The following PCDHGB4 variants were observed in gnomAD, a reference collection of about 807,000 sequenced individuals.
PCDHGB4 encodes the protein protocadherin gamma-B4.
Under a neutral mutation model 60.5 loss-of-function variants are expected in PCDHGB4, and 38 were observed. That is an observed-to-expected ratio of 0.63 (90% CI 0.48 to 0.82). PCDHGB4 has a LOEUF of 0.82. Among genes scored for constraint, PCDHGB4 ranks in the 40% least tolerant of loss-of-function variants. PCDHGB4 has a pLI of 0.00. For missense variants in PCDHGB4, 1,109 were observed against 1,209.6 expected (o/e 0.92, Z 1.23); for synonymous variants, 456 against 509.7 (o/e 0.89, Z 1.42).
intron 1 of PCDHGB4, chr5:141,426,693 A>C (rs62378458): frequency 0.034 from 14,964 of 435,892 alleles, 320 homozygotes; most frequent in Middle Eastern, 0.11. Flanking sequence ...CCAAAATAGC[A>C]TTGTTTTACA....
chr5:141,433,164 A>G, intron 1 of PCDHGB4: 3 of 1,613,600 alleles, frequency 1.9e-6, no homozygotes, highest in Non-Finnish European at 2.5e-6. Context: ...TTTTCTAAAG[A>G]CAGTCATGGG....
intron 1 of PCDHGB4, chr5:141,441,973 C>T (rs1457832429): frequency 6.7e-6 from 2 of 296,542 alleles, no homozygotes; most frequent in Admixed American, 4.4e-5. Context: ...GCTCTTCAGC[C>T]TGGAATGCGC....
chr5:141,432,079 G>A lies in PCDHGB4; in HGVS notation c.2397+41798G>A, dbSNP rs138510025. On this transcript the variant is annotated intron_variant, in intron 1 of 3. Transcript: ENST00000519479. The surrounding 1 kb of genome is among the most constrained non-coding windows in gnomAD (Gnocchi z 6.0). ...TATCCACGGAAACTCATATCTCGCT[G>A]AACGTGGCAGACACCAACGACAACC... 1.6e-4 allele frequency: 252 copies of A among 1,614,054 alleles called. No homozygotes were observed. The highest frequency in any genetic ancestry group is 8.1e-5 in the Non-Finnish European group (96 of 1,180,048).
intron 1 of PCDHGB4, chr5:141,418,042 G>A: frequency 6.2e-7 from 1 of 1,614,014 alleles, no homozygotes; most frequent in South Asian, 1.1e-5. Context: ...TCCTGGATGT[G>A]TCGGCTCGCG....
chr5:141,413,695 T>C lies in PCDHGB4; in HGVS notation c.2397+23414T>C, dbSNP rs573363878. The C allele has an allele frequency of 4.8e-5, 77 of 1,613,796 alleles. 1 individual carries two copies. The highest frequency in any genetic ancestry group is 3.0e-4 in the South Asian group (27 of 91,078). ...TGTGGGCGTGAACTCCCTGCAGAGC[T>C]ATCAGCTCAGCCCCAATAAGCACTT... On this transcript the variant is annotated intron_variant, in intron 1 of 3. Transcript: ENST00000519479.
At chr5:141,495,278 C>A (rs2099760057) in intron 2 of PCDHGB4, among the ~76,000 whole-genome samples, 1 of 152,174 alleles carries the variant, frequency 6.6e-6, no homozygotes, top group Non-Finnish European at 1.5e-5. Context: ...CCGGAGGAGG[C>A]GGTCCGCACT....
At chr5:141,473,343 T>G (rs1309426537) in intron 1 of PCDHGB4, among the ~76,000 whole-genome samples, 1 of 152,218 alleles carries the variant, frequency 6.6e-6, no homozygotes, top group African/African-American at 2.4e-5. Context: ...TGCTAGACAG[T>G]GAGGATGCAA....
chr5:141,448,338 T>A (rs1053822287), intron 1 of PCDHGB4, among the ~76,000 whole-genome samples: 1 of 152,192 alleles, frequency 6.6e-6, no homozygotes, highest in African/African-American at 2.4e-5. Context: ...TATAGCCATG[T>A]ACCTCAATCT....
At chr5:141,422,219 C>T in intron 1 of PCDHGB4, 1 of 1,564,678 alleles carries the variant, frequency 6.4e-7, no homozygotes, top group Non-Finnish European at 8.6e-7. Context: ...CTCTTTACCA[C>T]CACGACGATG....
chr5:141,403,358 G>C (rs1031210052), intron 1 of PCDHGB4: 3 of 1,614,026 alleles, frequency 1.9e-6, no homozygotes, highest in Non-Finnish European at 2.5e-6. Flanking sequence ...GTTCCAGGCC[G>C]AAAGTCTGGA....
In PCDHGB4 at chr5:141,491,283, C is replaced by G; in HGVS notation, c.2398-3524C>G. ...AAATGCCCAAATCCAGTGACTTCCT[C>G]ATACACCCTCCTGAGCGTTCAGACC... On this transcript the variant is annotated intron_variant, in intron 1 of 3. Coordinates refer to ENST00000519479, the MANE Select transcript of PCDHGB4 (RefSeq NM_003736.4). The surrounding 1 kb of genome is among the most constrained non-coding windows in gnomAD (Gnocchi z 6.9). The G allele has an allele frequency of 1.2e-6, 2 of 1,614,164 alleles. No homozygotes were observed.
chr5:141,402,233 AT>A (rs1490030425), intron 1 of PCDHGB4, among the ~76,000 whole-genome samples: 1 of 152,070 alleles, frequency 6.6e-6, no homozygotes, highest in Non-Finnish European at 1.5e-5. Flanking sequence ...TTTTCCAGGA[AT>A]TTTATCATCA....
At position 141,476,456 on chromosome 5, in the gene PCDHGB4, A is replaced by C; in HGVS notation, c.2398-18351A>C. The C allele has an allele frequency of 6.2e-7, 1 of 1,614,058 alleles. No homozygotes were observed. Among genetic ancestry groups the C allele is most frequent in the Non-Finnish European group, 8.5e-7 (1 of 1,180,010 alleles). On this transcript the variant is annotated intron_variant, in intron 1 of 3. Transcript: ENST00000519479. The surrounding 1 kb of genome is among the most constrained non-coding windows in gnomAD (Gnocchi z 7.6). ...TGTAACTCTGGAGTTGGTAGTGGAGAACCCGCTGGAGCTGTTCAGCGTGGA... is the reference window on the plus strand; with the variant it reads ...TGTAACTCTGGAGTTGGTAGTGGAGCACCCGCTGGAGCTGTTCAGCGTGGA...
At chr5:141,407,117 C>T (rs1412216570) in intron 1 of PCDHGB4, among the ~76,000 whole-genome samples, 1 of 152,098 alleles carries the variant, frequency 6.6e-6, no homozygotes, top group African/African-American at 2.4e-5. Flanking sequence ...ATTTGGGTTT[C>T]AGTTGCTTTA....
chr5:141,436,048 T>G (rs553708148), intron 1 of PCDHGB4, among the ~76,000 whole-genome samples: 1 of 152,316 alleles, frequency 6.6e-6, no homozygotes, highest in South Asian at 2.1e-4. Context: ...TACATTAGTT[T>G]TCAAATAGAA....
At chr5:141,408,765 G>A (rs1276364659) in intron 1 of PCDHGB4, 1 of 1,611,036 alleles carries the variant, frequency 6.2e-7, no homozygotes, top group East Asian at 2.2e-5. Context: ...AATTCCGATG[G>A]TGGCAAATAC....
chr5:141,415,515 G>A (rs752258863), intron 1 of PCDHGB4: 5 of 1,614,152 alleles, frequency 3.1e-6, no homozygotes, highest in South Asian at 1.1e-5. Flanking sequence ...CCAATTATGC[G>A]GACACGCTCA....
At chr5:141,408,917 C>G in intron 1 of PCDHGB4, 1 of 1,613,366 alleles carries the variant, frequency 6.2e-7, no homozygotes, top group South Asian at 1.1e-5. Flanking sequence ...CAATGATAAC[C>G]CCCCGGTTTT....
At chr5:141,470,202 A>G (rs928782890) in intron 1 of PCDHGB4, among the ~76,000 whole-genome samples, 9 of 152,216 alleles carry the variant, frequency 5.9e-5, no homozygotes, top group Non-Finnish European at 1.2e-4. Flanking sequence ...GATAAATATG[A>G]AGGCTAAACC....
Sources: gnomAD v4.1 joint callset for allele counts (sites outside exome capture counted in the v4.1 genomes callset) on GRCh38, gnomAD v4.1.1 for gene constraint, Gnocchi (gnomAD v3.1) non-coding constraint, MANE v1.5 for transcripts, NCBI Gene and HGNC (gene_info 2026-07-23, HGNC 2026-07-21) for gene names.